Variants in RBPJL observed in about 807,000 individuals in gnomAD.
RBPJL encodes the protein recombining binding protein suppressor of hairless-like protein.
RBPJL carries 50 observed loss-of-function variants against 57.6 expected under a neutral mutation model. That is an observed-to-expected ratio of 0.87 (90% CI 0.69 to 1.10). The LOEUF (loss-of-function observed/expected upper bound fraction) is 1.10, where lower values mean the gene tolerates loss of function less well. Among genes scored for constraint, RBPJL ranks in the 50% least tolerant of loss-of-function variants. The probability of loss-of-function intolerance (pLI) is 0.00; values close to 1 mark genes in which losing one functional copy is unlikely to be tolerated. For synonymous variants in RBPJL, 303 were observed against 294.4 expected (o/e 1.03, Z -0.30); for missense variants, 684 against 693.7 (o/e 0.99, Z 0.16).
intron 1 of RBPJL, among the ~76,000 whole-genome samples, 196 bp downstream of exon 1, chr20:45,307,140 C>T (rs1168863789): frequency 6.6e-6 from 1 of 152,084 alleles, no homozygotes; most frequent in Non-Finnish European, 1.5e-5. Context: ...GCCTAGAATT[C>T]ACTAAACCTC....
At chr20:45,312,164 G>C in intron 5 of RBPJL, 57 bp from the exon 6 acceptor site, 1 of 1,611,110 alleles carries the variant, frequency 6.2e-7, no homozygotes, top group Non-Finnish European at 8.5e-7. Flanking sequence ...GGAGAGGTTG[G>C]TTCATCCGAC....
chr20:45,316,487 G>A lies in RBPJL; in HGVS notation c.1187G>A (p.Gly396Glu), dbSNP rs1034654159. The change falls in exon 11 of 12, where the codon GGG becomes GAG. Residue 396 changes from glycine (G) to glutamate (E), a missense_variant. By Grantham distance (98) the Gly-to-Glu change is moderately conservative. Coordinates refer to ENST00000343694, the MANE Select transcript of RBPJL (RefSeq NM_014276.4). ...PLISTLELSG[G>E]GDVATLELHG... ...CCCACCCTCCCCCAGCTGAGCGGCG[G>A]GGGCGACGTGGCCACGCTGGAGCTC... 1 of 1,546,984 alleles carries A rather than the reference G, an allele frequency of 6.5e-7. No individual in the cohort carries two copies. Among genetic ancestry groups the A allele is most frequent in the Non-Finnish European group, 8.7e-7 (1 of 1,145,788 alleles).
In RBPJL at chr20:45,309,567, G is replaced by A. The variant is rs753220013; in HGVS notation, c.132G>A (p.Arg44=). The part of the protein sequence containing the change: ...DRRSLPGTWT[R]SSPEHTTILR... ...GTCGACCTGCCTGCCCTACTCCCAG[G>A]TCATCCCCAGAGCACACCACCATTC... Residue 44 remains arginine, a splice_region_variant and synonymous_variant, in exon 3 of 12, where the codon AGG becomes AGA. Transcript: ENST00000343694. 7 of 1,605,226 alleles carry A rather than the reference G, an allele frequency of 4.4e-6. No homozygotes were observed. The highest frequency in any genetic ancestry group is 3.4e-5 in the Admixed American group (2 of 59,126).
chr20:45,309,737 C>T (rs1374540884), intron 3 of RBPJL, 45 bp downstream of exon 3: 29 of 1,607,628 alleles, frequency 1.8e-5, no homozygotes, highest in Non-Finnish European at 2.4e-5. Flanking sequence ...AACTGTCAGC[C>T]CTATGCACCT....
chr20:45,316,921 T>A lies in RBPJL; in HGVS notation c.1516T>A (p.Phe506Ile). 1 of 1,612,894 alleles carries A rather than the reference T, an allele frequency of 6.2e-7. No homozygotes were observed. The highest frequency in any genetic ancestry group is 1.1e-5 in the South Asian group (1 of 90,978). ...GCTCCTGGAGAGCATCCATCAGGAG[T>A]TCACGCGCACCAACTTCCACCTCTT... ...DALLESIHQEFTRTNFHLFIQ... is the reference protein window; with the variant it reads ...DALLESIHQEITRTNFHLFIQ... Residue 506 changes from phenylalanine to isoleucine, a missense_variant, in exon 12 of 12, where the codon TTC (phenylalanine) becomes ATC (isoleucine). Transcript: ENST00000343694.
chr20:45,309,683 A>G lies in RBPJL; in HGVS notation c.248A>G (p.Asn83Ser). ...AAGGTGGCCCAGAAATCATACGGAA[A>G]TGAGAAGCGGTAGGTGCCTCCGCAG... is the stretch of plus-strand genomic sequence containing the variant. ...HAKVAQKSYG[N>S]EKRFFCPPPC... is the part of the protein sequence containing the mutation. The change falls in exon 3 of 12, where the codon AAT becomes AGT. Residue 83 changes from asparagine to serine, a missense_variant. Asn to Ser is a conservative substitution (Grantham distance 46). Coordinates refer to ENST00000343694, the MANE Select transcript of RBPJL (RefSeq NM_014276.4). 6.2e-7 allele frequency: 1 copy of G among 1,613,558 alleles called. No individual in the cohort carries two copies.
chr20:45,310,652 C>A (rs571338259), intron 3 of RBPJL, among the ~76,000 whole-genome samples: 2 of 151,372 alleles, frequency 1.3e-5, no homozygotes, highest in Non-Finnish European at 2.9e-5. Flanking sequence ...GAGGCTGTAC[C>A]AATTAGGCCT....
rs1360152862 is a variant in RBPJL at position 45,316,485 on chromosome 20, CG to C, written c.1190del (p.Gly397AlafsTer61). The C allele has an allele frequency of 3.2e-6, 5 of 1,546,840 alleles. No individual in the cohort carries two copies. The highest frequency in any genetic ancestry group is 4.4e-6 in the Non-Finnish European group (5 of 1,145,798). The part of the protein sequence containing the change: ...PLISTLELSG[G>X]GDVATLELHG... ...GTCCCACCCTCCCCCAGCTGAGCGG[CG>C]GGGGCGACGTGGCCACGCTGGAGCT... On this transcript the variant is annotated frameshift_variant, in exon 11 of 12. Coordinates refer to ENST00000343694, the MANE Select transcript of RBPJL (RefSeq NM_014276.4). LOFTEE classifies it high-confidence loss of function.
chr20:45,316,615 G>T (rs755380933), intron 11 of RBPJL, 35 bp downstream of exon 11: 2 of 1,515,774 alleles, frequency 1.3e-6, no homozygotes, highest in South Asian at 2.5e-5. Context: ...CTTGGGCCCC[G>T]GGGAGCAGGG....
chr20:45,307,468 G>C (rs759087786), intron 1 of RBPJL, among the ~76,000 whole-genome samples: 1 of 152,136 alleles, frequency 6.6e-6, no homozygotes, highest in Admixed American at 6.5e-5. Context: ...TGGGAGGGCG[G>C]GGAACCCTTG....
At position 45,314,420 on chromosome 20, in the gene RBPJL, G is replaced by A. The variant is rs377003156; in HGVS notation, c.875G>A (p.Arg292His). ...ACCATCCTTCCATTGCAGATCATCC[G>A]TAAAGTAGCAAAACAGTGTGCGCTC... Reference protein sequence around the residue: ...TGITLPPMIIRKVAKQCALLD... With the variant: ...TGITLPPMIIHKVAKQCALLD... Residue 292 changes from arginine to histidine, a missense_variant, in exon 9 of 12, where the codon CGT becomes CAT. By Grantham distance (29) the Arg-to-His change is conservative. Coordinates refer to ENST00000343694, the MANE Select transcript of RBPJL (RefSeq NM_014276.4). 3.0e-5 allele frequency: 49 copies of A among 1,613,148 alleles called. No homozygotes were observed. The highest frequency in any genetic ancestry group is 4.5e-5 in the East Asian group (2 of 44,868).
At chr20:45,308,288 T>G (rs760311285) in intron 2 of RBPJL, 37 bp downstream of exon 2, 2 of 1,408,820 alleles carry the variant, frequency 1.4e-6, no homozygotes, top group Non-Finnish European at 2.0e-6. Flanking sequence ...AGGTGGGGAC[T>G]GCCAGGCAGC....
chr20:45,315,967 G>T, intron 9 of RBPJL: 3 of 400,514 alleles, frequency 7.5e-6, no homozygotes, highest in Non-Finnish European at 1.3e-5. Context: ...AAAAAAGAAA[G>T]AAGAAAGAAG....
At chr20:45,311,191 G>GAGGA (rs58816232) in intron 3 of RBPJL, among the ~76,000 whole-genome samples, 9 of 151,540 alleles carry the variant, frequency 5.9e-5, no homozygotes, top group Admixed American at 1.3e-4. Flanking sequence ...AAGAAAGAGA[G>GAGGA]AGGAAGGAAG....
At chr20:45,315,889 AAG>A (rs762655449) in intron 9 of RBPJL, 1 of 331,486 alleles carries the variant, frequency 3.0e-6, no homozygotes, top group Non-Finnish European at 5.4e-6. Flanking sequence ...AAGAAAGAAA[AAG>A]AAAGAAAGGA....
At chr20:45,316,420 C>A (rs1600722032) in intron 10 of RBPJL, 57 bp from the exon 11 acceptor site, 11 of 1,577,358 alleles carry the variant, frequency 7.0e-6, no homozygotes, top group Non-Finnish European at 9.5e-6. Context: ...GAGTGGGGGG[C>A]AGCGGGTTCC....
Position 45,316,866 on chromosome 20 carries a change from C to G in RBPJL, c.1461C>G (p.Gly487=), listed in dbSNP as rs2743336. The G allele has an allele frequency of 1.2e-6, 2 of 1,613,864 alleles. No homozygotes were observed. Among genetic ancestry groups the G allele is most frequent in the South Asian group, 2.2e-5 (2 of 91,072 alleles). Residue 487 remains glycine (G), a synonymous_variant, in exon 12 of 12, where the codon GGC becomes GGG. Transcript: ENST00000343694. ...PEYSVRPGHP[G]VPEPATDADA... The stretch of plus-strand genomic sequence containing the variant: ...ACAGCGTGCGGCCGGGTCACCCCGG[C>G]GTCCCCGAGCCCGCCACCGACGCCG...
intron 1 of RBPJL, 66 bp from the exon 2 acceptor site, chr20:45,308,077 C>A (rs1986891243): frequency 2.6e-6 from 3 of 1,134,310 alleles, no homozygotes; most frequent in Non-Finnish European, 2.6e-6. Context: ...TCAGATAGGG[C>A]ACCCTAGGCA....
At chr20:45,311,804 G>A in intron 4 of RBPJL, 35 bp from the exon 5 acceptor site, 1 of 1,538,172 alleles carries the variant, frequency 6.5e-7, no homozygotes, top group Non-Finnish European at 8.8e-7. Flanking sequence ...GCGTCCTCCC[G>A]AGTCCTTGCA....
Sources: gnomAD v4.1 joint callset for allele counts (sites outside exome capture counted in the v4.1 genomes callset) on GRCh38, gnomAD v4.1.1 for gene constraint, MANE v1.5 for transcripts, NCBI Gene and HGNC (gene_info 2026-07-23, HGNC 2026-07-21) for gene names.